PCDHGA12: variants seen among roughly 807,000 people sequenced by gnomAD.
PCDHGA12 encodes the protein protocadherin gamma-A12.
A neutral mutation model predicts 61.1 loss-of-function variants in PCDHGA12; 43 were observed. The ratio of observed to expected loss-of-function variants is 0.70; its 90% CI spans 0.55 to 0.91. The LOEUF (loss-of-function observed/expected upper bound fraction) is 0.91. Among genes scored for constraint, PCDHGA12 ranks in the 40% least tolerant of loss-of-function variants. The pLI, the probability that PCDHGA12 is intolerant of heterozygous loss-of-function variation, is 0.00. For synonymous variants in PCDHGA12, 520 were observed against 542.9 expected (o/e 0.96, Z 0.59); for missense variants, 1,236 against 1,227.7 (o/e 1.01, Z -0.10).
At chr5:141,452,751 A>C (rs1592230802) in intron 1 of PCDHGA12, among the ~76,000 whole-genome samples, 1 of 152,094 alleles carries the variant, frequency 6.6e-6, no homozygotes, top group South Asian at 2.1e-4. Context: ...AGAAGGAAGA[A>C]GGAAGGGAGG....
intron 1 of PCDHGA12, among the ~76,000 whole-genome samples, chr5:141,458,719 G>A (rs891521416): frequency 5.9e-5 from 9 of 151,684 alleles, no homozygotes; most frequent in Non-Finnish European, 1.2e-4. Context: ...ACAGGTATTC[G>A]CCACCACATC....
At position 141,487,780 on chromosome 5, in the gene PCDHGA12, C is replaced by T. The variant is rs1423149; in HGVS notation, c.2425-7027C>T. On this transcript the variant is annotated intron_variant, in intron 1 of 3. Transcript: ENST00000252085. The surrounding 1 kb of genome is among the most constrained non-coding windows in gnomAD (Gnocchi z 5.0). ...TAGACGCTGTGCTTTGTAACTGTTT[C>T]GTGAATTAACCAGAGTTGTCACAGT... 0.06 allele frequency: 91,434 copies of T among 1,526,176 alleles called. 5,728 individuals carry two copies. Among genetic ancestry groups the T allele is most frequent in the African/African-American group, 0.33 (23,789 of 72,466 alleles). The allele number at this position is 1,526,176 out of a possible 1,614,324, so 94.5% of individuals were successfully genotyped here. A position where few individuals can be genotyped will look rare whatever the true frequency, so the allele number is the denominator to read the frequency against.
chr5:141,498,713 C>T (rs1216279302), intron 2 of PCDHGA12, among the ~76,000 whole-genome samples: 1 of 152,148 alleles, frequency 6.6e-6, no homozygotes, highest in East Asian at 1.9e-4. Flanking sequence ...GGGTGGATCA[C>T]CTGAGGTCAG....
chr5:141,509,575 T>C (rs186302231), intron 3 of PCDHGA12, among the ~76,000 whole-genome samples: 153 of 152,320 alleles, frequency 1.0e-3, no homozygotes, highest in African/African-American at 3.7e-3. Flanking sequence ...TCACAGTGCG[T>C]ACAAATCAGC....
Position 141,486,690 on chromosome 5 carries a change from C to G in PCDHGA12, c.2425-8117C>G. ...AGGAATCGAGATGTATCAGCTTCCTCTTTCATCTCTCTGAACCCCCAGACA... is the reference window on the plus strand; with the variant it reads ...AGGAATCGAGATGTATCAGCTTCCTGTTTCATCTCTCTGAACCCCCAGACA... On this transcript the variant is annotated intron_variant, in intron 1 of 3. Coordinates refer to ENST00000252085, the MANE Select transcript of PCDHGA12 (RefSeq NM_003735.3). The surrounding 1 kb of genome is among the most constrained non-coding windows in gnomAD (Gnocchi z 5.0). 3 of 1,614,144 alleles carry G rather than the reference C, an allele frequency of 1.9e-6. No individual in the cohort carries two copies. The highest frequency in any genetic ancestry group is 2.5e-6 in the Non-Finnish European group (3 of 1,180,036).
chr5:141,485,866 C>T lies in PCDHGA12; in HGVS notation c.2425-8941C>T. The T allele has an allele frequency of 2.5e-6, 4 of 1,614,144 alleles. No individual in the cohort carries two copies. Among genetic ancestry groups the T allele is most frequent in the Non-Finnish European group, 3.4e-6 (4 of 1,180,014 alleles). On this transcript the variant is annotated intron_variant, in intron 1 of 3. Coordinates refer to ENST00000252085, the MANE Select transcript of PCDHGA12 (RefSeq NM_003735.3). The surrounding 1 kb of genome is among the most constrained non-coding windows in gnomAD (Gnocchi z 5.7). ...CTGGCACCGCAGAGCTCCGGGTATCCGTGCTGGACGTAAACGACAACGCCC... is the reference window on the plus strand; with the variant it reads ...CTGGCACCGCAGAGCTCCGGGTATCTGTGCTGGACGTAAACGACAACGCCC...
chr5:141,478,716 G>T, intron 1 of PCDHGA12: 1 of 1,545,206 alleles, frequency 6.5e-7, no homozygotes. Flanking sequence ...TGAGATGGTG[G>T]CCTGCCAGAG....
At position 141,431,639 on chromosome 5, in the gene PCDHGA12, C is replaced by T; in HGVS notation, c.880C>T (p.Leu294=). 1 of 1,614,262 alleles carries T rather than the reference C, an allele frequency of 6.2e-7. No homozygotes were observed. The highest frequency in any genetic ancestry group is 8.5e-7 in the Non-Finnish European group (1 of 1,180,046). Residue 294 remains leucine, a synonymous_variant, in exon 1 of 4, where the codon CTA becomes TTA. Transcript: ENST00000252085. This position sits in a 1 kb window ranked among gnomAD's most constrained non-coding sequence, Gnocchi z 4.8. ...VDDKAAQVFK[L]DCNSGTISTI... Reference sequence around the variant, plus strand: ...CGACAAGGCGGCCCAAGTTTTCAAACTAGATTGTAATTCAGGGACAATATC... The same window carrying T: ...CGACAAGGCGGCCCAAGTTTTCAAATTAGATTGTAATTCAGGGACAATATC...
At chr5:141,459,165 C>T (rs1418626354) in intron 1 of PCDHGA12, among the ~76,000 whole-genome samples, 2 of 152,130 alleles carry the variant, frequency 1.3e-5, no homozygotes, top group African/African-American at 4.8e-5. Context: ...ATTTCTATAA[C>T]CTTCAAAAGT....
chr5:141,462,078 C>T (rs2154567608), intron 1 of PCDHGA12, among the ~76,000 whole-genome samples: 1 of 152,304 alleles, frequency 6.6e-6, no homozygotes, highest in East Asian at 1.9e-4. Flanking sequence ...CCGCCTTGGC[C>T]TCCCAAAATG....
chr5:141,495,921 T>C (rs959070876), intron 2 of PCDHGA12, among the ~76,000 whole-genome samples: 1 of 152,196 alleles, frequency 6.6e-6, no homozygotes, highest in Non-Finnish European at 1.5e-5. Context: ...TCTTTCTTTG[T>C]CTCTGTCTCT....
chr5:141,478,142 G>T (rs774271595), intron 1 of PCDHGA12: 8 of 1,613,988 alleles, frequency 5.0e-6, no homozygotes, highest in Non-Finnish European at 6.8e-6. Flanking sequence ...AGCCCGAGCC[G>T]AGTTCCCCTC....
rs11575965 is a variant in PCDHGA12 at position 141,430,679 on chromosome 5, T to C, written c.-81T>C. 6,478 of 1,333,262 alleles carry C rather than the reference T, an allele frequency of 4.9e-3. 34 individuals carry two copies. Among genetic ancestry groups the C allele is most frequent in the Admixed American group, 9.3e-3 (354 of 37,978 alleles). 82.6% of individuals were successfully genotyped at this position (1,333,262 alleles called of 1,614,324 possible). ...CGGAGGAGCTCTGACTTCCCAACTG[T>C]CCCATTCTATGGGCGAAGGAACTGC... On this transcript the variant is annotated 5_prime_UTR_variant, in exon 1 of 4. Coordinates refer to ENST00000252085, the MANE Select transcript of PCDHGA12 (RefSeq NM_003735.3).
intron 1 of PCDHGA12, among the ~76,000 whole-genome samples, chr5:141,438,339 AGGATC>A (rs1013025873): frequency 1.6e-4 from 25 of 151,944 alleles, no homozygotes; most frequent in Non-Finnish European, 1.9e-4. Flanking sequence ...ATGTCATATA[AGGATC>A]TACTCTGTGT....
intron 1 of PCDHGA12, among the ~76,000 whole-genome samples, chr5:141,454,222 T>C (rs1411974754): frequency 6.6e-6 from 1 of 152,118 alleles, no homozygotes; most frequent in African/African-American, 2.4e-5. Flanking sequence ...ATGAGAAAAG[T>C]AATTGTGATG....
intron 1 of PCDHGA12, among the ~76,000 whole-genome samples, chr5:141,457,480 G>T (rs566798464): frequency 6.6e-6 from 1 of 152,148 alleles, no homozygotes; most frequent in African/African-American, 2.4e-5. Context: ...GCAGGGCCAG[G>T]GTTAGTCTAA....
chr5:141,465,454 T>A (rs1031876441), intron 1 of PCDHGA12, among the ~76,000 whole-genome samples: 1 of 152,184 alleles, frequency 6.6e-6, no homozygotes, highest in Non-Finnish European at 1.5e-5. Flanking sequence ...AAGAAAACTC[T>A]CACCAAATTG....
intron 1 of PCDHGA12, 25 bp downstream of exon 1, chr5:141,433,208 C>CT (rs745329085): frequency 0.022 from 27,155 of 1,216,152 alleles, no homozygotes; most frequent in Non-Finnish European, 0.026. Flanking sequence ...AATCTTCTTT[C>CT]TTTTTTTTTT....
In PCDHGA12 at chr5:141,476,177, C is replaced by T. The variant is rs1221752964; in HGVS notation, c.2425-18630C>T. On this transcript the variant is annotated intron_variant, in intron 1 of 3. Transcript: ENST00000252085. The surrounding 1 kb of genome is among the most constrained non-coding windows in gnomAD (Gnocchi z 7.6). ...CACCGGGAGGGTAGTGGGAGTTTTG[C>T]TTCTGCTTGGTGCCTTGAACAAGGC... 6.2e-7 allele frequency: 1 copy of T among 1,613,436 alleles called. No individual in the cohort carries two copies. Among genetic ancestry groups the T allele is most frequent in the Non-Finnish European group, 8.5e-7 (1 of 1,179,944 alleles).
Sources: gnomAD v4.1 joint callset for allele counts (sites outside exome capture counted in the v4.1 genomes callset) on GRCh38, gnomAD v4.1.1 for gene constraint, Gnocchi (gnomAD v3.1) non-coding constraint, MANE v1.5 for transcripts, NCBI Gene and HGNC (gene_info 2026-07-23, HGNC 2026-07-21) for gene names.